The following SAMM50 variants were observed in gnomAD, a reference collection of about 807,000 sequenced individuals.
SAMM50 encodes sorting and assembly machinery component 50 homolog.
SAMM50 carries 47 observed loss-of-function variants against 66.9 expected under a neutral mutation model. The observed-to-expected ratio is 0.70, with a 90% CI of 0.56 to 0.90. The LOEUF is 0.90. Among genes scored for constraint, SAMM50 ranks in the 40% least tolerant of loss-of-function variants. The pLI is 0.00. For synonymous variants in SAMM50, 191 were observed against 214.1 expected (o/e 0.89, Z 0.94); for missense variants, 535 against 595.3 (o/e 0.90, Z 1.05).
chr22:43,976,825 G>A lies in SAMM50; in HGVS notation c.849+4G>A. 1 of 1,605,232 alleles carries A rather than the reference G, an allele frequency of 6.2e-7. No individual in the cohort carries two copies. The highest frequency in any genetic ancestry group is 8.5e-7 in the Non-Finnish European group (1 of 1,174,116). ...TGCTTTGCTGAAAGTTAACCAGGTA[G>A]TGTTGTTTCACCTGTGACCCCTGCA... On this transcript the variant is annotated splice_donor_region_variant and intron_variant, in intron 9 of 14. Transcript: ENST00000350028.
Position 43,955,485 on chromosome 22 carries a change from A to C in SAMM50, c.-93A>C. 2 of 1,447,988 alleles carry C rather than the reference A, an allele frequency of 1.4e-6. No homozygotes were observed. The highest frequency in any genetic ancestry group is 1.4e-5 in the African/African-American group (1 of 71,372). The allele number at this position is 1,447,988 out of a possible 1,614,324, so 89.7% of individuals were successfully genotyped here. A position where few individuals can be genotyped will look rare whatever the true frequency, so the allele number is the denominator to read the frequency against. On this transcript the variant is annotated 5_prime_UTR_variant, in exon 1 of 15. Coordinates refer to ENST00000350028, the MANE Select transcript of SAMM50 (RefSeq NM_015380.5). ...GTTTGTGGGAGTTGCCTTGACCTGC[A>C]GCTCCGCCACCGCGGACCCGCCTTC...
At chr22:43,968,026 A>T (rs2146810566) in intron 3 of SAMM50, among the ~76,000 whole-genome samples, 1 of 152,150 alleles carries the variant, frequency 6.6e-6, no homozygotes, top group East Asian at 1.9e-4. Flanking sequence ...GTTCGAGACC[A>T]GCCTGGCCAA....
chr22:43,987,839 C>T (rs2050302151), intron 12 of SAMM50: 2 of 150,960 alleles, frequency 1.3e-5, no homozygotes, highest in East Asian at 1.9e-4. Flanking sequence ...GAAGATAAAG[C>T]GTTAGGAGAA....
chr22:43,994,247 C>G (rs867104599), intron 14 of SAMM50, among the ~76,000 whole-genome samples: 1 of 152,184 alleles, frequency 6.6e-6, no homozygotes, highest in Non-Finnish European at 1.5e-5. Context: ...CGGGCAGAAC[C>G]GCGTCCTACA....
intron 1 of SAMM50, among the ~76,000 whole-genome samples, chr22:43,958,031 G>A (rs2050128878): frequency 6.6e-6 from 1 of 152,226 alleles, no homozygotes; most frequent in African/African-American, 2.4e-5. Context: ...GAGATTACAG[G>A]CATGAGTCAC....
At chr22:43,961,175 A>G (rs2050145478) in intron 1 of SAMM50, among the ~76,000 whole-genome samples, 1 of 152,154 alleles carries the variant, frequency 6.6e-6, no homozygotes, top group Non-Finnish European at 1.5e-5. Flanking sequence ...TGTTAAACAC[A>G]CACTTTAAAA....
intron 14 of SAMM50, 98 bp downstream of exon 14, chr22:43,990,504 G>A: frequency 8.1e-7 from 1 of 1,228,528 alleles, no homozygotes; most frequent in East Asian, 2.3e-5. Flanking sequence ...TTTTAAGCTT[G>A]AAGATTTTAA....
chr22:43,957,436 C>A (rs1407305932), intron 1 of SAMM50: 3 of 293,276 alleles, frequency 1.0e-5, no homozygotes, highest in Non-Finnish European at 2.0e-5. Flanking sequence ...AACTACATTT[C>A]TTTTGAGATG....
intron 13 of SAMM50, among the ~76,000 whole-genome samples, chr22:43,989,461 C>T (rs1214806016): frequency 6.6e-6 from 1 of 151,952 alleles, no homozygotes; most frequent in East Asian, 1.9e-4. Context: ...CTCAGCCTCC[C>T]GAGTAGCTGG....
intron 3 of SAMM50, among the ~76,000 whole-genome samples, chr22:43,968,248 G>GAAAAAAGA (rs1488640946): frequency 1.0e-5 from 1 of 98,192 alleles, no homozygotes; most frequent in Non-Finnish European, 2.1e-5. Context: ...AAAAAAAAAA[G>GAAAAAAGA]AAAAAAGAAA....
At chr22:43,972,707 A>C (rs1322706972) in intron 5 of SAMM50, among the ~76,000 whole-genome samples, 164 bp from the exon 6 acceptor site, 1 of 152,228 alleles carries the variant, frequency 6.6e-6, no homozygotes, top group Admixed American at 6.5e-5. Flanking sequence ...CAGCAGCGGC[A>C]TGTTTTAAAG....
Position 43,979,588 on chromosome 22 carries a change from C to G in SAMM50, c.936+1630C>G, listed in dbSNP as rs187271466. Among the ~76,000 whole-genome samples, 14 of 152,000 alleles carry G rather than the reference C, an allele frequency of 9.2e-5. No individual in the cohort carries two copies. In the South Asian group the frequency reaches 2.7e-3, roughly 30 times the overall value. ...CCTACTCCCTGCCTTCCCCTTCCCC[C>G]CTCTACACTATGGACATATTAGTCT... On this transcript the variant is annotated intron_variant, in intron 10 of 14. Coordinates refer to ENST00000350028, the MANE Select transcript of SAMM50 (RefSeq NM_015380.5).
chr22:43,967,599 C>G (rs1465204997), intron 3 of SAMM50, among the ~76,000 whole-genome samples: 1 of 152,224 alleles, frequency 6.6e-6, no homozygotes, highest in East Asian at 1.9e-4. Context: ...GAGGCTGTTG[C>G]CAGAGCACCC....
At chr22:43,978,102 AG>A in intron 10 of SAMM50, 144 bp downstream of exon 10, 1 of 593,220 alleles carries the variant, frequency 1.7e-6, no homozygotes, top group Non-Finnish European at 3.0e-6. Flanking sequence ...CAGTTTAGCC[AG>A]ATTTGCAGGT....
intron 12 of SAMM50, 34 bp downstream of exon 12, chr22:43,984,034 A>G (rs757437421): frequency 6.3e-7 from 1 of 1,583,284 alleles, no homozygotes; most frequent in Non-Finnish European, 8.6e-7. Context: ...CCAAGTCTAG[A>G]AGGCTCGCGT....
In SAMM50 at chr22:43,963,437, A is replaced by C. The variant is rs555037715; in HGVS notation, c.132+41A>C. On this transcript the variant is annotated intron_variant, in intron 2 of 14. Coordinates refer to ENST00000350028, the MANE Select transcript of SAMM50 (RefSeq NM_015380.5). ...AAGGTCTTGATAGAATTGTTAGTGG[A>C]AACATTCACTTCCATACACCACTAG... 72 of 1,270,020 alleles carry C rather than the reference A, an allele frequency of 5.7e-5. 1 individual carries two copies. The Middle Eastern group carries it at 3.8e-3, about 67-fold the overall frequency. The allele number at this position is 1,270,020 out of a possible 1,614,324, so 78.7% of individuals were successfully genotyped here. A position where few individuals can be genotyped will look rare whatever the true frequency, so the allele number is the denominator to read the frequency against.
Position 43,968,793 on chromosome 22 carries a change from G to A in SAMM50, c.297G>A (p.Val99=). The change falls in exon 4 of 15, where the codon GTG becomes GTA. Residue 99 remains valine, a synonymous_variant. Coordinates refer to ENST00000350028, the MANE Select transcript of SAMM50 (RefSeq NM_015380.5). The part of the protein sequence containing the change: ...KLLRLGIFRQ[V]DVLIDTCQGD... ...TCCGTCTTGGAATTTTTAGACAAGTGGATGTTTTGATTGACACATGTCAAG... is the reference window on the plus strand; with the variant it reads ...TCCGTCTTGGAATTTTTAGACAAGTAGATGTTTTGATTGACACATGTCAAG... 6.2e-7 allele frequency: 1 copy of A among 1,612,386 alleles called. No individual in the cohort carries two copies. The highest frequency in any genetic ancestry group is 1.3e-5 in the African/African-American group (1 of 75,016).
intron 13 of SAMM50, among the ~76,000 whole-genome samples, 188 bp from the exon 14 acceptor site, chr22:43,990,077 A>T (rs2050314995): frequency 6.6e-6 from 1 of 152,204 alleles, no homozygotes; most frequent in Admixed American, 6.5e-5. Context: ...GGATGTGAGT[A>T]AGTGTGGCTC....
chr22:43,972,172 G>T, intron 4 of SAMM50, 64 bp from the exon 5 acceptor site: 1 of 966,800 alleles, frequency 1.0e-6, no homozygotes, highest in South Asian at 1.9e-5. Context: ...GTCTTTTTTA[G>T]CAATGGGAAC....
Sources: gnomAD v4.1 joint callset for allele counts (sites outside exome capture counted in the v4.1 genomes callset) on GRCh38, gnomAD v4.1.1 for gene constraint, MANE v1.5 for transcripts, NCBI Gene and HGNC (gene_info 2026-07-23, HGNC 2026-07-21) for gene names.